Variants in ADAMTSL1 observed in about 807,000 individuals in gnomAD.
The protein encoded by ADAMTSL1 is ADAMTS-like protein 1.
A neutral mutation model predicts 201.8 loss-of-function variants in ADAMTSL1; 126 were observed. That is an observed-to-expected ratio of 0.62 (90% CI 0.54 to 0.72). The LOEUF (loss-of-function observed/expected upper bound fraction) is 0.72, where lower values mean the gene tolerates loss of function less well. ADAMTSL1 is among the 30% of genes least tolerant of loss of function. The probability of loss-of-function intolerance (pLI) is 0.00; values close to 1 mark genes in which losing one functional copy is unlikely to be tolerated. For missense variants in ADAMTSL1, 2,679 were observed against 2,277.8 expected, an observed-to-expected ratio of 1.18 and a Z score of -3.59; for synonymous variants, 1,121 against 903.4, an observed-to-expected ratio of 1.24 and a Z score of -4.32.
intron 1 of ADAMTSL1, among the ~76,000 whole-genome samples, chr9:18,143,037 C>T (rs1035901463): frequency 1.3e-5 from 2 of 152,156 alleles, no homozygotes; most frequent in African/African-American, 4.8e-5. Context: ...GAGGATGATG[C>T]AGGTCTGTCG....
intron 7 of ADAMTSL1, among the ~76,000 whole-genome samples, chr9:18,645,460 G>C (rs909446494): frequency 6.6e-6 from 1 of 151,244 alleles, no homozygotes; most frequent in Non-Finnish European, 1.5e-5. Context: ...TGAAGTCCTT[G>C]CCCATGCCTA....
intron 2 of ADAMTSL1, among the ~76,000 whole-genome samples, chr9:18,244,045 G>A (rs1252592592): frequency 1.3e-5 from 2 of 151,816 alleles, no homozygotes; most frequent in Non-Finnish European, 2.9e-5. Flanking sequence ...CCCCAGATAA[G>A]GGCTTGAACA....
chr9:18,567,532 C>G (rs1157138910), intron 3 of ADAMTSL1, among the ~76,000 whole-genome samples: 1 of 152,062 alleles, frequency 6.6e-6, no homozygotes, highest in South Asian at 2.1e-4. Flanking sequence ...GCAGGGAGAA[C>G]AGATTTCATG....
intron 1 of ADAMTSL1, among the ~76,000 whole-genome samples, chr9:18,053,385 AT>A (rs1822025977): frequency 6.6e-6 from 1 of 152,242 alleles, no homozygotes; most frequent in Non-Finnish European, 1.5e-5. Flanking sequence ...AATTAAAAAA[AT>A]GTTCATACTT....
At chr9:18,869,032 T>G (rs191824963) in intron 23 of ADAMTSL1, among the ~76,000 whole-genome samples, 2 of 152,306 alleles carry the variant, frequency 1.3e-5, no homozygotes, top group East Asian at 3.9e-4. Flanking sequence ...ACTGGTGTCC[T>G]TATGGAAAGG....
chr9:18,342,833 G>A (rs1456725721), intron 2 of ADAMTSL1, among the ~76,000 whole-genome samples: 1 of 152,020 alleles, frequency 6.6e-6, no homozygotes. Flanking sequence ...AAAGAAACTG[G>A]ACTCAAGAAA....
chr9:18,065,913 G>A (rs1024087661), intron 1 of ADAMTSL1, among the ~76,000 whole-genome samples: 7 of 149,340 alleles, frequency 4.7e-5, no homozygotes, highest in Non-Finnish European at 1.0e-4. Flanking sequence ...CCTGGGAGGC[G>A]GAGGTTGCAG....
chr9:18,892,258 C>G (rs1163030740), intron 25 of ADAMTSL1, 131 bp from the exon 26 acceptor site: 1 of 825,986 alleles, frequency 1.2e-6, no homozygotes, highest in Non-Finnish European at 1.9e-6. Flanking sequence ...AATCATCTTT[C>G]CAAGTAAATA....
At position 18,171,157 on chromosome 9, in the gene ADAMTSL1, C is replaced by T. The variant is rs187239343; in HGVS notation, c.207+7176C>T. Among the ~76,000 whole-genome samples, 10 of 151,836 alleles carry T rather than the reference C, an allele frequency of 6.6e-5. No individual in the cohort carries two copies. The East Asian group carries it at 9.7e-4, about 15-fold the overall frequency. ...GAATTAAAACAGTGTGATATTAGAA[C>T]GTAGATAGACAAATAGAACAACATA... On this transcript the variant is annotated intron_variant, in intron 2 of 29. Coordinates refer to the ADAMTSL1 transcript ENST00000680146.
At chr9:18,381,771 T>C (rs1240097648) in intron 2 of ADAMTSL1, among the ~76,000 whole-genome samples, 1 of 152,000 alleles carries the variant, frequency 6.6e-6, no homozygotes, top group South Asian at 2.1e-4. Flanking sequence ...GAGAACCCAT[T>C]TGGAGCAGGA....
chr9:18,560,638 G>GT (rs60807301), intron 3 of ADAMTSL1, among the ~76,000 whole-genome samples: 4,102 of 146,694 alleles, frequency 0.028, 151 homozygotes, highest in African/African-American at 0.09. Context: ...CTGGTCCTGG[G>GT]TTTTTTTTTT....
upstream of ADAMTSL1, among the ~76,000 whole-genome samples, chr9:18,470,055 G>A (rs1821147524): frequency 6.6e-6 from 1 of 152,214 alleles, no homozygotes; most frequent in Non-Finnish European, 1.5e-5. Flanking sequence ...GACTCTCAGT[G>A]TATGTAGCTA....
intron 2 of ADAMTSL1, among the ~76,000 whole-genome samples, chr9:18,300,032 C>A (rs1833638238): frequency 6.6e-6 from 1 of 152,130 alleles, no homozygotes; most frequent in South Asian, 2.1e-4. Flanking sequence ...ATTAGTTCAA[C>A]CATTGTGGAA....
chr9:18,065,307 G>C (rs763194868), intron 1 of ADAMTSL1, among the ~76,000 whole-genome samples: 2 of 152,102 alleles, frequency 1.3e-5, no homozygotes, highest in Non-Finnish European at 2.9e-5. Context: ...TCTAGTCACA[G>C]AGTAAGGAGA....
chr9:18,439,390 G>A (rs367708159), intron 2 of ADAMTSL1, among the ~76,000 whole-genome samples: 5 of 152,138 alleles, frequency 3.3e-5, no homozygotes, highest in Non-Finnish European at 5.9e-5. Flanking sequence ...TGTTTTGGAC[G>A]GAGTCTGGCT....
At chr9:18,716,225 G>A (rs1002273017) in intron 14 of ADAMTSL1, among the ~76,000 whole-genome samples, 3 of 151,846 alleles carry the variant, frequency 2.0e-5, no homozygotes, top group Non-Finnish European at 4.4e-5. Flanking sequence ...ACAAAAGCCA[G>A]AATTGACAAA....
At chr9:18,718,767 A>G (rs1833134622) in intron 14 of ADAMTSL1, among the ~76,000 whole-genome samples, 1 of 152,358 alleles carries the variant, frequency 6.6e-6, no homozygotes, top group South Asian at 2.1e-4. Context: ...ACACCTTCAC[A>G]CACACACCTG....
At chr9:18,656,219 C>G (rs1221639607) in intron 7 of ADAMTSL1, among the ~76,000 whole-genome samples, 1 of 151,642 alleles carries the variant, frequency 6.6e-6, no homozygotes, top group Admixed American at 6.6e-5. Context: ...TTATTTTCCC[C>G]CTGCATCCGA....
chr9:18,146,751 G>A (rs1293622404), intron 1 of ADAMTSL1, among the ~76,000 whole-genome samples: 1 of 152,104 alleles, frequency 6.6e-6, no homozygotes, highest in Non-Finnish European at 1.5e-5. Flanking sequence ...CCCTTATAAA[G>A]AACACACAGG....
Sources: allele counts gnomAD v4.1 joint callset (sites outside exome capture counted in the v4.1 genomes callset), GRCh38; gene constraint gnomAD v4.1.1; transcripts MANE v1.5; gene names NCBI Gene and HGNC (gene_info 2026-07-23, HGNC 2026-07-21).